The following WDR1 variants were observed in gnomAD, a reference collection of about 807,000 sequenced individuals.
The protein encoded by WDR1 is WD repeat-containing protein 1.
WDR1 carries 21 observed loss-of-function variants against 71.9 expected under a neutral mutation model. The observed-to-expected ratio is 0.29, with a 90% CI of 0.21 to 0.42. The LOEUF (loss-of-function observed/expected upper bound fraction) is 0.42, where lower values mean the gene tolerates loss of function less well. Among genes scored for constraint, WDR1 ranks in the 10% least tolerant of loss-of-function variants. The pLI, the probability that WDR1 is intolerant of heterozygous loss-of-function variation, is 1.00. For synonymous variants in WDR1, 424 were observed against 347.4 expected, an observed-to-expected ratio of 1.22 and a Z score of -2.45; for missense variants, 696 against 824.5, an observed-to-expected ratio of 0.84 and a Z score of 1.91.
intron 5 of WDR1, among the ~76,000 whole-genome samples, chr4:10,097,234 C>T (rs1712400061): frequency 6.6e-6 from 1 of 152,274 alleles, no homozygotes; most frequent in Admixed American, 6.5e-5. Context: ...ACATTTCTTC[C>T]ACAAAGTATC....
chr4:10,100,683 C>T (rs1253512796), intron 3 of WDR1, among the ~76,000 whole-genome samples: 1 of 152,184 alleles, frequency 6.6e-6, no homozygotes, highest in Non-Finnish European at 1.5e-5. Flanking sequence ...TCCAGGAAGA[C>T]CACCTGCTGT....
chr4:10,081,875 T>A (rs1765028979), intron 10 of WDR1, among the ~76,000 whole-genome samples: 1 of 152,146 alleles, frequency 6.6e-6, no homozygotes, highest in Non-Finnish European at 1.5e-5. Flanking sequence ...TGGGTGAAAA[T>A]CATGTTATTT....
chr4:10,115,463 G>T (rs1432943122), intron 2 of WDR1, among the ~76,000 whole-genome samples: 1 of 152,188 alleles, frequency 6.6e-6, no homozygotes, highest in Non-Finnish European at 1.5e-5. Context: ...GATCTGGCTG[G>T]CCCAGAGGCC....
intron 9 of WDR1, chr4:10,083,621 C>A (rs551890632): frequency 2.7e-5 from 13 of 485,444 alleles, no homozygotes; most frequent in South Asian, 1.5e-4. Context: ...CCAGAGCTGT[C>A]CACACAAAAG....
chr4:10,099,293 G>A (rs1712550235), intron 3 of WDR1, among the ~76,000 whole-genome samples, 154 bp from the exon 4 acceptor site: 2 of 152,250 alleles, frequency 1.3e-5, no homozygotes, highest in Admixed American at 1.3e-4. Flanking sequence ...AAAAGGCCTA[G>A]TGAAGAGAAC....
At position 10,075,283 on chromosome 4, in the gene WDR1, TGGGGGCGC is replaced by T. The variant is rs1560524759; in HGVS notation, c.*87_*94del. ...TGCCTCTTGTGGTGGGGTGGGGGCA[TGGGGGCGC>T]GTCACAGAAATAGAGAAATGACATG... On this transcript the variant is annotated 3_prime_UTR_variant, in exon 15 of 15. Transcript: ENST00000499869. The T allele has an allele frequency of 2.7e-6, 3 of 1,109,448 alleles. No homozygotes were observed. Among genetic ancestry groups the T allele is most frequent in the East Asian group, 5.1e-5 (2 of 38,980 alleles). The allele number at this position is 1,109,448 out of a possible 1,614,324, so 68.7% of individuals were successfully genotyped here. A position where few individuals can be genotyped will look rare whatever the true frequency, so the allele number is the denominator to read the frequency against.
intron 2 of WDR1, among the ~76,000 whole-genome samples, chr4:10,114,225 A>C (rs1713569209): frequency 6.6e-6 from 1 of 152,202 alleles, no homozygotes; most frequent in African/African-American, 2.4e-5. Flanking sequence ...TTGAGAAGGG[A>C]AACAGGGTAA....
chr4:10,078,965 T>C lies in WDR1; in HGVS notation c.1321A>G (p.Ile441Val). The C allele has an allele frequency of 1.2e-6, 2 of 1,612,246 alleles. No individual in the cohort carries two copies. Among genetic ancestry groups the C allele is most frequent in the Non-Finnish European group, 1.7e-6 (2 of 1,178,980 alleles). ...LLKDQRKCFS[I>V]DNPGYEPEVV... ...TCGGGCTCGTAGCCGGGGTTGTCGATGCTGAAGCACTTCCTCTGATCCTTC... is the reference window on the plus strand; with the variant it reads ...TCGGGCTCGTAGCCGGGGTTGTCGACGCTGAAGCACTTCCTCTGATCCTTC... The change falls in exon 12 of 15, where the codon ATC becomes GTC. Residue 441 changes from isoleucine to valine, a missense_variant. By Grantham distance (29) the Ile-to-Val change is conservative. Coordinates refer to ENST00000499869, the MANE Select transcript of WDR1 (RefSeq NM_017491.5).
intron 11 of WDR1, among the ~76,000 whole-genome samples, chr4:10,081,115 G>C (rs1269678287): frequency 6.6e-6 from 1 of 152,222 alleles, no homozygotes; most frequent in East Asian, 1.9e-4. Context: ...TCCCAGCTCT[G>C]CCCTCCGACC....
In WDR1 at chr4:10,103,995, G is replaced by A; in HGVS notation, c.139-9C>T. 1.3e-6 allele frequency: 2 copies of A among 1,586,678 alleles called. No homozygotes were observed. Among genetic ancestry groups the A allele is most frequent in the Non-Finnish European group, 1.7e-6 (2 of 1,166,660 alleles). ...TCAGCAAGGGCTGGGTTCTGCAGGA[G>A]GAGACCCCGGAATGAACAGAAGGAA... is the stretch of plus-strand genomic sequence containing the variant. On this transcript the variant is annotated splice_polypyrimidine_tract_variant and intron_variant, in intron 2 of 14. Coordinates refer to ENST00000499869, the MANE Select transcript of WDR1 (RefSeq NM_017491.5).
rs1042884722 is a variant in WDR1, at chr4:10,075,249, G to A, written c.*129C>T. The A allele has an allele frequency of 4.1e-6, 3 of 739,372 alleles. No individual in the cohort carries two copies. Among genetic ancestry groups the A allele is most frequent in the Non-Finnish European group, 4.6e-6 (2 of 430,544 alleles). 45.8% of individuals were successfully genotyped at this position (739,372 alleles called of 1,614,324 possible). A position where few individuals can be genotyped will look rare whatever the true frequency, so the allele number is the denominator to read the frequency against. ...CCCTGCAGAGACGAGGGTCATGACT[G>A]GGCCCTCCTGCCTCTTGTGGTGGGG... On this transcript the variant is annotated 3_prime_UTR_variant, in exon 15 of 15. Coordinates refer to ENST00000499869, the MANE Select transcript of WDR1 (RefSeq NM_017491.5).
At chr4:10,111,932 T>A (rs1325184366) in intron 2 of WDR1, among the ~76,000 whole-genome samples, 1 of 152,118 alleles carries the variant, frequency 6.6e-6, no homozygotes, top group Admixed American at 6.5e-5. Flanking sequence ...TTTTTCCAAA[T>A]GTGTATTTTA....
chr4:10,089,500 AC>A (rs3836719), intron 5 of WDR1, among the ~76,000 whole-genome samples: 21,918 of 152,168 alleles, frequency 0.14, 2,008 homozygotes, highest in Non-Finnish European at 0.21. Flanking sequence ...TCCAGGGGCG[AC>A]TCTGTTACTC....
rs374891992 is a variant in WDR1 at position 10,099,105 on chromosome 4, C to T, written c.264G>A (p.Thr88=). ...VSGKLRIWDT[T]QKEHLLKYEY... ...CATACTTCAACAGGTGCTCCTTCTG[C>T]GTGGTATCCCAGATCCTCAGCTTCC... The change falls in exon 4 of 15, where the codon ACG becomes ACA. Residue 88 remains threonine (T), a synonymous_variant. Coordinates refer to ENST00000499869, the MANE Select transcript of WDR1 (RefSeq NM_017491.5). The T allele has an allele frequency of 1.5e-4, 213 of 1,420,264 alleles. 2 individuals are homozygous for T. Among genetic ancestry groups the T allele is most frequent in the Non-Finnish European group, 1.3e-4 (138 of 1,059,832 alleles). The allele number at this position is 1,420,264 out of a possible 1,614,324, so 88.0% of individuals were successfully genotyped here. A position where few individuals can be genotyped will look rare whatever the true frequency, so the allele number is the denominator to read the frequency against.
Position 10,087,738 on chromosome 4 carries a change from T to C in WDR1, c.920A>G (p.Asn307Ser). 1.9e-6 allele frequency: 3 copies of C among 1,601,228 alleles called. No homozygotes were observed. The highest frequency in any genetic ancestry group is 2.6e-6 in the Non-Finnish European group (3 of 1,173,614). The change falls in exon 8 of 15, where the codon AAC becomes AGC. Residue 307 changes from asparagine to serine, a missense_variant. Physicochemically the swap from Asn to Ser is conservative, Grantham distance 46 (BLOSUM62 1). Transcript: ENST00000499869. ...GACGTGCAGGGGCTTGCTGGGGTTG[T>C]TTCTGTCCAGATAGTTGATGTACCC... ...LSGYINYLDR[N>S]NPSKPLHVIK...
chr4:10,093,080 A>ATT, intron 5 of WDR1: 1 of 1,289,468 alleles, frequency 7.8e-7, no homozygotes, highest in Non-Finnish European at 1.0e-6. Flanking sequence ...TGAGGTCATA[A>ATT]TTAAGTACCA....
intron 10 of WDR1, 78 bp from the exon 11 acceptor site, chr4:10,081,522 A>G (rs1165764481): frequency 7.9e-6 from 11 of 1,398,154 alleles, no homozygotes; most frequent in Admixed American, 1.7e-5. Flanking sequence ...TTACTGTTAA[A>G]CCACAGTTTT....
intron 9 of WDR1, chr4:10,083,681 C>G: frequency 2.1e-6 from 1 of 465,390 alleles, no homozygotes. Context: ...GAACAACGCA[C>G]AGCAGGTGCC....
chr4:10,099,157 C>CG lies in WDR1; in HGVS notation c.230-19dup. The CG allele has an allele frequency of 4.4e-6, 1 of 226,426 alleles. No individual in the cohort carries two copies. Among genetic ancestry groups the CG allele is most frequent in the Admixed American group, 7.0e-5 (1 of 14,276 alleles). 14.0% of individuals were successfully genotyped at this position (226,426 alleles called of 1,614,324 possible). A position where few individuals can be genotyped will look rare whatever the true frequency, so the allele number is the denominator to read the frequency against. ...AGACACATCTGTGGGGCACAGCGGG[C>CG]GGGGGAGGGGGGGAGGCGGTGGTGG... On this transcript the variant is annotated intron_variant, in intron 3 of 14. Coordinates refer to ENST00000499869, the MANE Select transcript of WDR1 (RefSeq NM_017491.5).
Sources: allele counts gnomAD v4.1 joint callset (sites outside exome capture counted in the v4.1 genomes callset), GRCh38; gene constraint gnomAD v4.1.1; transcripts MANE v1.5; gene names NCBI Gene and HGNC (gene_info 2026-07-23, HGNC 2026-07-21).